Variants in KAZN observed in about 807,000 individuals in gnomAD.
The protein encoded by KAZN is kazrin.
KAZN carries 40 observed loss-of-function variants against 87.4 expected under a neutral mutation model. That is an observed-to-expected ratio of 0.46 (90% CI 0.36 to 0.60). The LOEUF is 0.60. Among genes scored for constraint, KAZN ranks in the 20% least tolerant of loss-of-function variants. KAZN has a pLI of 0.00. For missense variants in KAZN, 898 were observed against 1,073.9 expected (o/e 0.84, Z 2.29); for synonymous variants, 466 against 458.3 (o/e 1.02, Z -0.22).
chr1:14,618,215 C>T (rs140812000), intron 1 of KAZN, among the ~76,000 whole-genome samples: 7 of 152,282 alleles, frequency 4.6e-5, no homozygotes, highest in African/African-American at 1.7e-4. Context: ...GGGCATGGCC[C>T]CAGCCCCGGC....
intron 3 of KAZN, among the ~76,000 whole-genome samples, chr1:15,038,141 C>A (rs961916903): frequency 3.3e-5 from 5 of 152,084 alleles, no homozygotes; most frequent in African/African-American, 1.2e-4. Context: ...GTAGTCCCAG[C>A]TACTTGGGAG....
At chr1:14,603,342 G>A (rs964622136) in intron 1 of KAZN, among the ~76,000 whole-genome samples, 4 of 152,228 alleles carry the variant, frequency 2.6e-5, no homozygotes, top group African/African-American at 9.6e-5. Context: ...AGTAGCCTGC[G>A]CCATGGTTTT....
intron 1 of KAZN, among the ~76,000 whole-genome samples, chr1:14,718,946 G>A (rs1642950945): frequency 6.6e-6 from 1 of 152,196 alleles, no homozygotes; most frequent in South Asian, 2.1e-4. Flanking sequence ...TAGGGGGTTT[G>A]AGGTCAACAT....
At chr1:14,307,999 T>C (rs760388079) in intron 2 of KAZN, among the ~76,000 whole-genome samples, 1 of 152,200 alleles carries the variant, frequency 6.6e-6, no homozygotes, top group African/African-American at 2.4e-5. Context: ...CTGCCAAAAA[T>C]GTGTAACTTG....
At chr1:14,504,785 G>C (rs1463133557) in intron 2 of KAZN, among the ~76,000 whole-genome samples, 3 of 152,178 alleles carry the variant, frequency 2.0e-5, no homozygotes, top group Non-Finnish European at 4.4e-5. Context: ...AAGTGCTGTA[G>C]GATAAATTTG....
At chr1:14,512,104 C>T (rs764313808) in intron 2 of KAZN, among the ~76,000 whole-genome samples, 2 of 152,072 alleles carry the variant, frequency 1.3e-5, no homozygotes, top group East Asian at 3.9e-4. Context: ...TCAGATGCTA[C>T]GAGATTCATA....
At chr1:14,819,186 G>A (rs903285107) in intron 1 of KAZN, among the ~76,000 whole-genome samples, 4 of 152,180 alleles carry the variant, frequency 2.6e-5, no homozygotes, top group Admixed American at 6.5e-5. Context: ...ACTTGGTACC[G>A]GTATAGAAGG....
intron 2 of KAZN, among the ~76,000 whole-genome samples, chr1:14,976,094 C>CCCACACACTGCACAG (rs1665589682): frequency 8.0e-6 from 1 of 125,506 alleles, no homozygotes; most frequent in African/African-American, 3.1e-5. Context: ...GCGCGGTGAG[C>CCCACACACTGCACAG]CCGCACACTG....
At position 14,769,477 on chromosome 1, in the gene KAZN, C is replaced by T. The variant is rs1644967441; in HGVS notation, c.226+170254C>T. 6.6e-6 allele frequency among the ~76,000 whole-genome samples: 1 copy of T among 152,128 alleles called. No homozygotes were observed. The highest frequency in any genetic ancestry group is 6.5e-5 in the Admixed American group (1 of 15,270). Reference sequence around the variant, plus strand: ...TCAAGCGATTCTCGTGCCTCATTCTCCTGAGTATCTGGGATTACAGGCGCC... The same window carrying T: ...TCAAGCGATTCTCGTGCCTCATTCTTCTGAGTATCTGGGATTACAGGCGCC... On this transcript the variant is annotated intron_variant, in intron 1 of 14. Transcript: ENST00000376030. This position sits in a 1 kb window ranked among gnomAD's most constrained non-coding sequence, Gnocchi z 4.1.
intron 1 of KAZN, among the ~76,000 whole-genome samples, chr1:14,040,338 T>A (rs1641765702): frequency 6.6e-6 from 1 of 152,148 alleles, no homozygotes; most frequent in Non-Finnish European, 1.5e-5. Flanking sequence ...GGAGTCAGTA[T>A]GGGAGCCTTC....
chr1:14,868,977 C>T (rs1651849401), intron 1 of KAZN, among the ~76,000 whole-genome samples: 1 of 152,122 alleles, frequency 6.6e-6, no homozygotes, highest in Non-Finnish European at 1.5e-5. Flanking sequence ...ATCTGTGTCC[C>T]CCACTCCAGC....
At chr1:14,705,390 A>G (rs1161738337) in intron 1 of KAZN, among the ~76,000 whole-genome samples, 2 of 152,190 alleles carry the variant, frequency 1.3e-5, no homozygotes, top group Non-Finnish European at 2.9e-5. Flanking sequence ...CAAAAACTAC[A>G]ACTAGAACCA....
intron 1 of KAZN, among the ~76,000 whole-genome samples, chr1:14,129,131 A>T (rs1010476872): frequency 1.3e-5 from 2 of 152,216 alleles, no homozygotes; most frequent in Non-Finnish European, 2.9e-5. Flanking sequence ...AGTCCAGCAC[A>T]TAGGGACTCA....
chr1:13,956,830 T>C (rs1328466911), intron 1 of KAZN, among the ~76,000 whole-genome samples: 1 of 152,214 alleles, frequency 6.6e-6, no homozygotes, highest in Non-Finnish European at 1.5e-5. Flanking sequence ...TTTTGTTTTT[T>C]AGATAGATGA....
intron 2 of KAZN, among the ~76,000 whole-genome samples, chr1:14,277,825 T>C (rs1052811110): frequency 1.3e-5 from 2 of 152,122 alleles, no homozygotes; most frequent in Admixed American, 6.5e-5. Flanking sequence ...TATTATATCA[T>C]TCTAATTTAA....
At chr1:14,940,898 CTTTTTTTTTTTTTTTTTTT>C (rs66777443) in intron 1 of KAZN, among the ~76,000 whole-genome samples, 6 of 54,404 alleles carry the variant, frequency 1.1e-4, no homozygotes, top group Non-Finnish European at 1.7e-4. Context: ...TTCTACCTTT[CTTTTTTTTTTTTTTTTTTT>C]TTTTTTTTTT....
At chr1:14,415,406 G>A (rs549318680) in intron 2 of KAZN, among the ~76,000 whole-genome samples, 3 of 152,166 alleles carry the variant, frequency 2.0e-5, no homozygotes, top group African/African-American at 4.8e-5. Flanking sequence ...TGTCTCAGAT[G>A]TAACAGGTAT....
rs76525881 is a variant in KAZN, at chr1:14,612,285, A to G, written c.226+13062A>G. Among the ~76,000 whole-genome samples the G allele has an allele frequency of 7.1e-3, 1,081 of 152,290 alleles. 12 individuals carry two copies. Among genetic ancestry groups the G allele is most frequent in the African/African-American group, 0.024 (1,015 of 41,554 alleles). ...ATGGAGTCACTTGTGTTCAGCCTTTATCACTGACTTCCCAAGACCCGCGCT... is the reference window on the plus strand; with the variant it reads ...ATGGAGTCACTTGTGTTCAGCCTTTGTCACTGACTTCCCAAGACCCGCGCT... On this transcript the variant is annotated intron_variant, in intron 1 of 14. Transcript: ENST00000376030.
At position 14,055,515 on chromosome 1, in the gene KAZN, T is replaced by G. The variant is rs146248781; in HGVS notation, c.92-124920T>G. Among the ~76,000 whole-genome samples the G allele has an allele frequency of 6.6e-5, 10 of 152,318 alleles. No homozygotes were observed. The East Asian group carries it at 1.9e-3, about 29-fold the overall frequency. On this transcript the variant is annotated intron_variant, in intron 1 of 16. Coordinates refer to the KAZN transcript ENST00000636203. ...TTGCCCAAGCCAGAAATCTTTCCCCTGAGTCAGGAGGTGGTAGGGATTATG... is the reference window on the plus strand; with the variant it reads ...TTGCCCAAGCCAGAAATCTTTCCCCGGAGTCAGGAGGTGGTAGGGATTATG...
Sources: allele counts gnomAD v4.1 joint callset (sites outside exome capture counted in the v4.1 genomes callset), GRCh38; gene constraint gnomAD v4.1.1; non-coding constraint Gnocchi (gnomAD v3.1); transcripts MANE v1.5; gene names NCBI Gene and HGNC (gene_info 2026-07-23, HGNC 2026-07-21).